PCYOX1L: variants seen among roughly 807,000 people sequenced by gnomAD.
PCYOX1L encodes the protein prenylcysteine oxidase 1 like.
Under a neutral mutation model 44.1 loss-of-function variants are expected in PCYOX1L, and 40 were observed. That is an observed-to-expected ratio of 0.91 (90% confidence interval 0.70 to 1.18). PCYOX1L has a LOEUF of 1.18. Among genes scored for constraint, PCYOX1L ranks in the 50% most tolerant of loss-of-function variants. The pLI, the probability that PCYOX1L is intolerant of heterozygous loss-of-function variation, is 0.00. For synonymous variants in PCYOX1L, 266 were observed against 282.8 expected, an observed-to-expected ratio of 0.94 and a Z score of 0.60; for missense variants, 605 against 653.3, an observed-to-expected ratio of 0.93 and a Z score of 0.81.
intron 3 of PCYOX1L, chr5:149,365,066 C>A (rs1758154251): frequency 6.5e-6 from 1 of 152,702 alleles, no homozygotes; most frequent in Admixed American, 6.5e-5. Flanking sequence ...TGGCACTTCT[C>A]CACTCCCTTC....
intron 1 of PCYOX1L, among the ~76,000 whole-genome samples, chr5:149,361,731 C>T (rs780474709): frequency 4.6e-5 from 7 of 152,166 alleles, no homozygotes; most frequent in Non-Finnish European, 5.9e-5. Flanking sequence ...CAGGTTCAAG[C>T]GATTCTCCTG....
rs764676510 is a variant in PCYOX1L, at chr5:149,366,150, G to T, written c.679G>T (p.Ala227Ser). 1.1e-5 allele frequency: 17 copies of T among 1,610,664 alleles called. No individual in the cohort carries two copies. The highest frequency in any genetic ancestry group is 2.2e-5 in the South Asian group (2 of 90,988). ...CCAGTCAGCAGCGATGCCCGCCTTT[G>T]CAGGTAAGCGTCCAACCCTTGGCCT... ...YGQSAAMPAF[A>S]GAMSLAGAQG... Residue 227 changes from alanine (A) to serine (S), a missense_variant, in exon 4 of 6, where the codon GCA becomes TCA. Physicochemically the swap from Ala to Ser is moderately conservative, Grantham distance 99. Transcript: ENST00000274569.
intron 1 of PCYOX1L, chr5:149,361,965 T>C (rs1758022468): frequency 6.5e-6 from 1 of 152,894 alleles, no homozygotes; most frequent in Non-Finnish European, 1.5e-5. Flanking sequence ...GACATAAGGA[T>C]GATTTAGGTG....
chr5:149,367,388 C>A lies in PCYOX1L; in HGVS notation c.711C>A (p.Gly237=). The A allele has an allele frequency of 6.2e-7, 1 of 1,611,914 alleles. No homozygotes were observed. The highest frequency in any genetic ancestry group is 1.1e-5 in the South Asian group (1 of 90,816). ...AGAMSLAGAQ[G]SLWSVEGGNK... ...CCATGTCACTAGCCGGGGCCCAAGG[C>A]AGCCTGTGGTCTGTGGAAGGAGGCA... The change falls in exon 5 of 6, where the codon GGC becomes GGA. Residue 237 remains glycine (G), a synonymous_variant. Transcript: ENST00000274569.
chr5:149,368,546 G>T lies in PCYOX1L; in HGVS notation c.1377G>T (p.Met459Ile). 3 of 1,602,556 alleles carry T rather than the reference G, an allele frequency of 1.9e-6. No homozygotes were observed. The highest frequency in any genetic ancestry group is 2.6e-6 in the Non-Finnish European group (3 of 1,175,362). ...GGGCGGCCAGCTCCGTGGAGGTGAT[G>T]GCCGTGGCTGCCAAGAATGTGGCCT... Reference protein sequence around the residue: ...LEWAASSVEVMAVAAKNVALL... With the variant: ...LEWAASSVEVIAVAAKNVALL... The change falls in exon 6 of 6, where the codon ATG becomes ATT. Residue 459 changes from methionine to isoleucine, a missense_variant. By Grantham distance (10) the Met-to-Ile change is conservative. Transcript: ENST00000274569.
In PCYOX1L at chr5:149,367,202, C is replaced by T. The variant is rs191057681; in HGVS notation, c.683-158C>T. Among the ~76,000 whole-genome samples the T allele has an allele frequency of 3.3e-5, 5 of 152,350 alleles. No homozygotes were observed. The East Asian group carries it at 9.6e-4, about 29-fold the overall frequency. The stretch of plus-strand genomic sequence containing the variant: ...TGTCTTCCCCCCATAGCATTGTGCA[C>T]TTTGTTGTACTTACTTGTATGTTTG... On this transcript the variant is annotated intron_variant, in intron 4 of 5. Transcript: ENST00000274569.
In PCYOX1L at chr5:149,364,157, C is replaced by G. The variant is rs1301936995; in HGVS notation, c.417C>G (p.Ile139Met). 1 of 1,614,162 alleles carries G rather than the reference C, an allele frequency of 6.2e-7. No individual in the cohort carries two copies. The highest frequency in any genetic ancestry group is 2.2e-5 in the East Asian group (1 of 44,876). Reference sequence around the variant, plus strand: ...TCCGCCTCTGGTGGCACTATGGCATCAGCTTCCTGAGGCTGCAGATGTGGG... The same window carrying G: ...TCCGCCTCTGGTGGCACTATGGCATGAGCTTCCTGAGGCTGCAGATGTGGG... ...NLFRLWWHYG[I>M]SFLRLQMWVE... is the part of the protein sequence containing the mutation. Residue 139 changes from isoleucine (I) to methionine (M), a missense_variant, in exon 3 of 6, where the codon ATC becomes ATG. Ile to Met is a conservative substitution (Grantham distance 10). Coordinates refer to ENST00000274569, the MANE Select transcript of PCYOX1L (RefSeq NM_024028.4).
chr5:149,365,597 G>A (rs1758169936), intron 3 of PCYOX1L: 3 of 296,704 alleles, frequency 1.0e-5, no homozygotes, highest in South Asian at 8.5e-5. Context: ...AGAAGGAGAT[G>A]TGTCAGCAGG....
chr5:149,362,553 G>C, intron 1 of PCYOX1L, 84 bp from the exon 2 acceptor site: 2 of 1,420,122 alleles, frequency 1.4e-6, no homozygotes, highest in East Asian at 4.7e-5. Context: ...AACCACCAGC[G>C]CAGGAGGATA....
rs967011546 is a variant in PCYOX1L at position 149,369,380 on chromosome 5, A to C, written c.*726A>C. ...CTCTTCCTTGGCACCTAGAGGAATT[A>C]GCCATTCTCTTCCTTATGCAAAGAT... On this transcript the variant is annotated 3_prime_UTR_variant, in exon 6 of 6. Coordinates refer to ENST00000274569, the MANE Select transcript of PCYOX1L (RefSeq NM_024028.4). 1 of 152,248 alleles carries C rather than the reference A, an allele frequency of 6.6e-6. No individual in the cohort carries two copies. Among genetic ancestry groups the C allele is most frequent in the Non-Finnish European group, 1.5e-5 (1 of 68,048 alleles). 9.4% of individuals were successfully genotyped at this position (152,248 alleles called of 1,614,324 possible).
rs780048660 is a variant in PCYOX1L at position 149,368,430 on chromosome 5, G to C, written c.1261G>C (p.Glu421Gln). 3 of 1,614,044 alleles carry C rather than the reference G, an allele frequency of 1.9e-6. No homozygotes were observed. The highest frequency in any genetic ancestry group is 2.5e-6 in the Non-Finnish European group (3 of 1,180,030). ...TTCCTATTACTCAGTGCAGACAGCT[G>C]AGTGGCAGGCCCATCCCCTCTATGG... Reference protein sequence around the residue: ...FRSYYSVQTAEWQAHPLYGSR... With the variant: ...FRSYYSVQTAQWQAHPLYGSR... The change falls in exon 6 of 6, where the codon GAG becomes CAG. Residue 421 changes from glutamate to glutamine, a missense_variant. By Grantham distance (29) the Glu-to-Gln change is conservative (BLOSUM62 2). Coordinates refer to ENST00000274569, the MANE Select transcript of PCYOX1L (RefSeq NM_024028.4).
chr5:149,364,536 G>A, intron 3 of PCYOX1L: 1 of 234,782 alleles, frequency 4.3e-6, no homozygotes, highest in Non-Finnish European at 8.5e-6. Context: ...GAAGAGAGCA[G>A]AACAAGGCCC....
At chr5:149,367,165 C>G (rs759824141) in intron 4 of PCYOX1L, among the ~76,000 whole-genome samples, 195 bp from the exon 5 acceptor site, 39 of 152,214 alleles carry the variant, frequency 2.6e-4, no homozygotes, top group Admixed American at 2.0e-3. Context: ...CTGGCTCTTT[C>G]GTTGAGCACA....
rs1758186180 is a variant in PCYOX1L at position 149,366,063 on chromosome 5, G to A, written c.592G>A (p.Val198Met). ...QHSVAESLLQ[V>M]GVTQRFIDDV... ...CTCTGTGGCTGAGTCCCTGCTGCAGGTGGGCGTCACGCAGCGCTTTATTGA... is the reference window on the plus strand; with the variant it reads ...CTCTGTGGCTGAGTCCCTGCTGCAGATGGGCGTCACGCAGCGCTTTATTGA... The change falls in exon 4 of 6, where the codon GTG (valine) becomes ATG (methionine). Residue 198 changes from valine (V) to methionine (M), a missense_variant. Physicochemically the swap from Val to Met is conservative, Grantham distance 21 (BLOSUM62 1). Transcript: ENST00000274569. 6.2e-7 allele frequency: 1 copy of A among 1,614,236 alleles called. No homozygotes were observed. Among genetic ancestry groups the A allele is most frequent in the African/African-American group, 1.3e-5 (1 of 75,064 alleles).
chr5:149,363,386 A>G (rs182894581), intron 2 of PCYOX1L: 6 of 290,632 alleles, frequency 2.1e-5, no homozygotes. Flanking sequence ...AAAGTAGCAT[A>G]GATACCAAGT....
intron 2 of PCYOX1L, chr5:149,363,105 GT>G: frequency 1.6e-6 from 1 of 614,772 alleles, no homozygotes; most frequent in East Asian, 3.4e-5. Flanking sequence ...CTAAATAATC[GT>G]GATTATATCA....
intron 3 of PCYOX1L, 141 bp from the exon 4 acceptor site, chr5:149,365,801 C>A: frequency 1.4e-6 from 1 of 720,310 alleles, no homozygotes; most frequent in Non-Finnish European, 2.3e-6. Context: ...TGCCAGGGAA[C>A]ATGACCAGCC....
intron 1 of PCYOX1L, among the ~76,000 whole-genome samples, chr5:149,361,628 T>C (rs1758011636): frequency 6.6e-6 from 1 of 152,222 alleles, no homozygotes; most frequent in Non-Finnish European, 1.5e-5. Flanking sequence ...ATAGAGTACA[T>C]TCCAGTCTCT....
chr5:149,367,870 T>C (rs1214577348), intron 5 of PCYOX1L, 123 bp from the exon 6 acceptor site: 4 of 1,079,410 alleles, frequency 3.7e-6, no homozygotes, highest in Non-Finnish European at 5.3e-6. Context: ...GGACCCACCA[T>C]TTAGACAGCC....
Sources: gnomAD v4.1 joint callset for allele counts (sites outside exome capture counted in the v4.1 genomes callset) on GRCh38, gnomAD v4.1.1 for gene constraint, MANE v1.5 for transcripts, NCBI Gene and HGNC (gene_info 2026-07-23, HGNC 2026-07-21) for gene names.